The following IL18 variants were observed in gnomAD, a reference collection of about 807,000 sequenced individuals.
IL18 encodes the protein interleukin 18.
In IL18, 8 loss-of-function variants were observed where a neutral mutation model predicts 14.2. That is an observed-to-expected ratio of 0.56 (90% confidence interval 0.33 to 1.01). IL18 has a LOEUF of 1.01. Ranked by LOEUF, IL18 falls within the 50% of genes least tolerant of loss-of-function variation. IL18 has a pLI of 0.03. For synonymous variants in IL18, 67 were observed against 71.0 expected, an observed-to-expected ratio of 0.94 and a Z score of 0.28; for missense variants, 166 against 231.1, an observed-to-expected ratio of 0.72 and a Z score of 1.83.
chr11:112,151,832 C>G (rs1332186481), intron 3 of IL18, among the ~76,000 whole-genome samples: 1 of 152,182 alleles, frequency 6.6e-6, no homozygotes, highest in Non-Finnish European at 1.5e-5. Context: ...GTGGAATTCT[C>G]TTGGTTTTTC....
At chr11:112,159,640 T>C (rs1309628059) in intron 1 of IL18, among the ~76,000 whole-genome samples, 1 of 152,156 alleles carries the variant, frequency 6.6e-6, no homozygotes, top group African/African-American at 2.4e-5. Flanking sequence ...ATTAGTTCAG[T>C]TTTGTAAATC....
intron 5 of IL18, among the ~76,000 whole-genome samples, chr11:112,145,708 T>C (rs965104950): frequency 6.6e-6 from 1 of 150,920 alleles, no homozygotes; most frequent in Non-Finnish European, 1.5e-5. Flanking sequence ...CACTGCACTC[T>C]AGCCTGGGCG....
At position 112,149,907 on chromosome 11, in the gene IL18, A is replaced by G. The variant is rs554999307; in HGVS notation, c.226+165T>C. On this transcript the variant is annotated intron_variant, in intron 4 of 5. Coordinates refer to ENST00000280357, the MANE Select transcript of IL18 (RefSeq NM_001562.4). Reference sequence around the variant, plus strand: ...CTTATTGTATCCAATTTTTTACCCCAACTAAAAAACGTGGATGCCTTATAA... The same window carrying G: ...CTTATTGTATCCAATTTTTTACCCCGACTAAAAAACGTGGATGCCTTATAA... Among the ~76,000 whole-genome samples, 69 of 152,280 alleles carry G rather than the reference A, an allele frequency of 4.5e-4. 1 individual carries two copies. The highest frequency in any genetic ancestry group is 4.5e-3 in the Admixed American group (68 of 15,280).
intron 5 of IL18, among the ~76,000 whole-genome samples, chr11:112,144,137 C>T (rs1866295052): frequency 6.6e-6 from 1 of 152,308 alleles, no homozygotes; most frequent in East Asian, 1.9e-4. Flanking sequence ...AGACCACAAG[C>T]TTTTTGGGCT....
At chr11:112,147,855 T>C (rs1866369437) in intron 5 of IL18, among the ~76,000 whole-genome samples, 2 of 152,328 alleles carry the variant, frequency 1.3e-5, no homozygotes, top group Middle Eastern at 3.4e-3. Flanking sequence ...TCTGAAGCAT[T>C]GCCAATTTGT....
intron 5 of IL18, among the ~76,000 whole-genome samples, chr11:112,144,411 T>G (rs188333093): frequency 2.0e-5 from 3 of 152,290 alleles, no homozygotes; most frequent in Admixed American, 1.3e-4. Context: ...TTTTAAAATT[T>G]ATTTTTGTAG....
chr11:112,143,971 T>C (rs1866291928), intron 5 of IL18, among the ~76,000 whole-genome samples, 154 bp from the exon 6 acceptor site: 1 of 152,208 alleles, frequency 6.6e-6, no homozygotes, highest in South Asian at 2.1e-4. Context: ...ACTGACCTCC[T>C]CTCCTTCTTA....
chr11:112,147,906 T>C (rs947239698), intron 5 of IL18, among the ~76,000 whole-genome samples: 6 of 152,222 alleles, frequency 3.9e-5, no homozygotes, highest in Admixed American at 1.3e-4. Context: ...TCTGTAGCTA[T>C]AGTTAATTGT....
At chr11:112,148,837 C>T in intron 4 of IL18, 101 bp from the exon 5 acceptor site, 1 of 642,860 alleles carries the variant, frequency 1.6e-6, no homozygotes, top group Non-Finnish European at 2.4e-6. Context: ...ACACCTGTTC[C>T]CACTTTGAGA....
chr11:112,146,788 A>G (rs1260615593), intron 5 of IL18, among the ~76,000 whole-genome samples: 1 of 150,220 alleles, frequency 6.7e-6, no homozygotes, highest in Non-Finnish European at 1.5e-5. Flanking sequence ...TTCCAGAAGC[A>G]GATTTGCTAT....
rs199733090 is a variant in IL18 at position 112,150,111 on chromosome 11, G to A, written c.187C>T (p.Arg63Trp). 8 of 1,610,096 alleles carry A rather than the reference G, an allele frequency of 5.0e-6. No homozygotes were observed. Among genetic ancestry groups the A allele is most frequent in the African/African-American group, 2.7e-5 (2 of 74,688 alleles). The change falls in exon 4 of 6, where the codon CGG becomes TGG. Residue 63 changes from arginine (R) to tryptophan (W), a missense_variant. Physicochemically the swap from Arg to Trp is moderately radical, Grantham distance 101. Transcript: ENST00000280357. ...TCAGTCATATCTTCAAATAGAGGCC[G>A]ATTTCCTTGGTCAATGAAGAGAACT... ...DQVLFIDQGNRPLFEDMTDSD... is the reference protein window; with the variant it reads ...DQVLFIDQGNWPLFEDMTDSD...
chr11:112,161,054 C>T (rs943516183), intron 1 of IL18, among the ~76,000 whole-genome samples: 2 of 151,018 alleles, frequency 1.3e-5, no homozygotes, highest in Admixed American at 6.6e-5. Flanking sequence ...ACTATTTCAT[C>T]TAAAATTCTC....
chr11:112,158,810 CATT>C (rs1866579309), intron 1 of IL18, among the ~76,000 whole-genome samples: 1 of 151,978 alleles, frequency 6.6e-6, no homozygotes, highest in African/African-American at 2.4e-5. Context: ...GAAGAGTTAA[CATT>C]ATTTCCATTT....
intron 2 of IL18, 128 bp downstream of exon 2, chr11:112,154,847 T>A: frequency 1.7e-6 from 1 of 602,016 alleles, no homozygotes; most frequent in Non-Finnish European, 2.9e-6. Context: ...ACTATTTTTT[T>A]AAGAGCCATT....
intron 3 of IL18, 47 bp downstream of exon 3, chr11:112,153,545 A>T (rs1293889899): frequency 3.1e-5 from 44 of 1,399,078 alleles, no homozygotes; most frequent in Non-Finnish European, 4.3e-5. Flanking sequence ...ATGTGTCTCA[A>T]GCAGATACTT....
rs1288887991 is a variant in IL18, at chr11:112,154,982, G to A, written c.72C>T (p.Tyr24=). 1 of 1,598,730 alleles carries A rather than the reference G, an allele frequency of 6.3e-7. No individual in the cohort carries two copies. Among genetic ancestry groups the A allele is most frequent in the Non-Finnish European group, 8.6e-7 (1 of 1,166,374 alleles). The change falls in exon 2 of 6, where the codon TAC becomes TAT. Residue 24 remains tyrosine, a synonymous_variant. Transcript: ENST00000280357. ...CTATGGCATTAGCCTTACCTATAAA[G>A]TAAAGCGTATTGTCAATAAATTTCA... ...VAMKFIDNTL[Y]FIAEDDENLE...
At chr11:112,163,828 C>A (rs1866678687) in intron 1 of IL18, 78 bp downstream of exon 1, 1 of 152,310 alleles carries the variant, frequency 6.6e-6, no homozygotes, top group Non-Finnish European at 1.5e-5. Context: ...GTTTATATTC[C>A]TCTCAATTGC....
At chr11:112,153,364 C>G (rs549525190) in intron 3 of IL18, 2 of 394,840 alleles carry the variant, frequency 5.1e-6, no homozygotes, top group African/African-American at 4.1e-5. Context: ...ATTCTAAGAG[C>G]TGGAGAATTT....
At chr11:112,143,871 T>C in intron 5 of IL18, 54 bp from the exon 6 acceptor site, 1 of 1,169,806 alleles carries the variant, frequency 8.5e-7, no homozygotes, top group Non-Finnish European at 1.2e-6. Context: ...AATTTGAATA[T>C]ATGAAGTTTG....
Sources: allele counts gnomAD v4.1 joint callset (sites outside exome capture counted in the v4.1 genomes callset), GRCh38; gene constraint gnomAD v4.1.1; transcripts MANE v1.5; gene names NCBI Gene and HGNC (gene_info 2026-07-23, HGNC 2026-07-21).